Variants in SEMA6A observed in about 807,000 individuals in gnomAD.
SEMA6A encodes semaphorin 6A.
A neutral mutation model predicts 96.8 loss-of-function variants in SEMA6A; 25 were observed. That is an observed-to-expected ratio of 0.26 (90% CI 0.19 to 0.36). The LOEUF (loss-of-function observed/expected upper bound fraction) is 0.36, where lower values mean the gene tolerates loss of function less well. Among genes scored for constraint, SEMA6A ranks in the 10% least tolerant of loss-of-function variants. SEMA6A has a pLI of 1.00. For synonymous variants in SEMA6A, 612 were observed against 518.0 expected, an observed-to-expected ratio of 1.18 and a Z score of -2.46; for missense variants, 1,363 against 1,323.1, an observed-to-expected ratio of 1.03 and a Z score of -0.47.
At chr5:116,456,578 A>C (rs1397611418) in intron 18 of SEMA6A, among the ~76,000 whole-genome samples, 1 of 152,198 alleles carries the variant, frequency 6.6e-6, no homozygotes, top group Non-Finnish European at 1.5e-5. Flanking sequence ...TGCTTGCACC[A>C]AAACTGCTGA....
chr5:116,443,769 T>C lies in SEMA6A; in HGVS notation c.*2844A>G, dbSNP rs1312382598. ...AATATAAATCTGAGTTTGTTGCATCTACCAGTGTCTAGCAAGGGTGGAAAG... is the reference window on the plus strand; with the variant it reads ...AATATAAATCTGAGTTTGTTGCATCCACCAGTGTCTAGCAAGGGTGGAAAG... On this transcript the variant is annotated 3_prime_UTR_variant, in exon 19 of 19. Coordinates refer to ENST00000343348, the MANE Select transcript of SEMA6A (RefSeq NM_020796.5). 1 of 152,646 alleles carries C rather than the reference T, an allele frequency of 6.6e-6. No homozygotes were observed. The highest frequency in any genetic ancestry group is 6.5e-5 in the Admixed American group (1 of 15,286). 9.5% of individuals were successfully genotyped at this position (152,646 alleles called of 1,614,324 possible). A position where few individuals can be genotyped will look rare whatever the true frequency, so the allele number is the denominator to read the frequency against.
At chr5:116,527,292 A>C (rs1341874673) in intron 1 of SEMA6A, among the ~76,000 whole-genome samples, 2 of 152,218 alleles carry the variant, frequency 1.3e-5, no homozygotes, top group African/African-American at 4.8e-5. Flanking sequence ...GCCCTAAAAA[A>C]TGGATAGAGT....
At chr5:116,496,829 A>G (rs1280247143) in intron 4 of SEMA6A, among the ~76,000 whole-genome samples, 2 of 152,204 alleles carry the variant, frequency 1.3e-5, no homozygotes, top group Admixed American at 6.5e-5. Flanking sequence ...TTCTACTCCT[A>G]TGGCACAGGT....
intron 1 of SEMA6A, among the ~76,000 whole-genome samples, chr5:116,519,800 C>A (rs1758847965): frequency 6.6e-6 from 1 of 152,068 alleles, no homozygotes; most frequent in African/African-American, 2.4e-5. Context: ...AAAGTACATG[C>A]CAAATCTGCC....
At chr5:116,510,255 G>A (rs936076293) in intron 1 of SEMA6A, among the ~76,000 whole-genome samples, 6 of 151,916 alleles carry the variant, frequency 3.9e-5, no homozygotes, top group African/African-American at 1.2e-4. Context: ...CTTCAGTTGA[G>A]TTTTACACTA....
chr5:116,545,034 G>C (rs1477426388), intron 1 of SEMA6A, among the ~76,000 whole-genome samples: 1 of 151,892 alleles, frequency 6.6e-6, no homozygotes, highest in Non-Finnish European at 1.5e-5. Flanking sequence ...CACCAGCTTT[G>C]ACCTGAGTCA....
At chr5:116,493,884 GGCAGT>G (rs2112740450) in intron 6 of SEMA6A, among the ~76,000 whole-genome samples, 1 of 152,142 alleles carries the variant, frequency 6.6e-6, no homozygotes, top group African/African-American at 2.4e-5. Flanking sequence ...ATGTCCTATA[GGCAGT>G]GCCGTTCACA....
intron 1 of SEMA6A, among the ~76,000 whole-genome samples, chr5:116,538,919 C>G (rs1459935248): frequency 1.3e-5 from 2 of 151,872 alleles, no homozygotes; most frequent in Non-Finnish European, 2.9e-5. Context: ...TCCTTCTTTG[C>G]CTTTGCTTGT....
In SEMA6A at chr5:116,486,781, A is replaced by G; in HGVS notation, c.930T>C (p.Val310=). 6.2e-7 allele frequency: 1 copy of G among 1,613,842 alleles called. No homozygotes were observed. Among genetic ancestry groups the G allele is most frequent in the Non-Finnish European group, 8.5e-7 (1 of 1,179,788 alleles). ...AAGGTGTAGAAAACGTTGCCAGGAC[A>G]ACATCACGCCCGTTGATACGAATCA... The part of the protein sequence containing the change: ...TDVIRINGRD[V]VLATFSTPYN... Residue 310 remains valine (V), a synonymous_variant, in exon 10 of 19, where the codon GTT becomes GTC. Coordinates refer to ENST00000343348, the MANE Select transcript of SEMA6A (RefSeq NM_020796.5).
chr5:116,496,216 A>G, intron 5 of SEMA6A, 35 bp downstream of exon 5: 1 of 1,582,692 alleles, frequency 6.3e-7, no homozygotes, highest in East Asian at 2.2e-5. Context: ...ACTTAACCCA[A>G]AGTGGCAGCT....
At chr5:116,480,833 G>A (rs980751098) in intron 11 of SEMA6A, among the ~76,000 whole-genome samples, 1 of 152,032 alleles carries the variant, frequency 6.6e-6, no homozygotes, top group African/African-American at 2.4e-5. Context: ...TTTGATTTTG[G>A]CAGGTATGAA....
chr5:116,468,638 A>T (rs939227258), intron 17 of SEMA6A: 1 of 152,198 alleles, frequency 6.6e-6, no homozygotes, highest in Non-Finnish European at 1.5e-5. Context: ...TCATTCCACA[A>T]GGTTAAATAC....
chr5:116,551,189 C>G (rs80186901), intron 1 of SEMA6A, among the ~76,000 whole-genome samples: 6,454 of 152,062 alleles, frequency 0.042, 151 homozygotes, highest in African/African-American at 0.058. Flanking sequence ...AGGGGAAAAG[C>G]AGAGGAAGCG....
intron 1 of SEMA6A, among the ~76,000 whole-genome samples, chr5:116,509,766 C>T (rs1180762008): frequency 1.3e-5 from 2 of 152,056 alleles, no homozygotes; most frequent in African/African-American, 4.8e-5. Flanking sequence ...GGGTGAGGTG[C>T]TGGACCTCCA....
At chr5:116,557,826 G>A (rs539693840) in intron 1 of SEMA6A, among the ~76,000 whole-genome samples, 18 of 152,248 alleles carry the variant, frequency 1.2e-4, no homozygotes, top group African/African-American at 3.6e-4. Flanking sequence ...TCACCTTTCC[G>A]GGGATCTAAA....
At chr5:116,522,751 C>T (rs1759017766) in intron 1 of SEMA6A, among the ~76,000 whole-genome samples, 1 of 151,974 alleles carries the variant, frequency 6.6e-6, no homozygotes, top group South Asian at 2.1e-4. Flanking sequence ...TCTCTATCTG[C>T]ACGTTGATTT....
chr5:116,508,908 G>C lies in SEMA6A; in HGVS notation c.-38-3926C>G, dbSNP rs140360929. 2.3e-4 allele frequency among the ~76,000 whole-genome samples: 35 copies of C among 152,334 alleles called. No homozygotes were observed. In the East Asian group the frequency reaches 4.1e-3, roughly 18 times the overall value. The stretch of plus-strand genomic sequence containing the variant: ...AGGTACAGGACATCAACGTTGCTGC[G>C]TGAGGTATTCTGTTCCTCTTGACCA... On this transcript the variant is annotated intron_variant, in intron 1 of 18. Transcript: ENST00000343348.
chr5:116,482,180 A>C (rs144940071), intron 11 of SEMA6A, among the ~76,000 whole-genome samples: 4 of 152,186 alleles, frequency 2.6e-5, no homozygotes, highest in African/African-American at 9.6e-5. Context: ...TTTCCCAACT[A>C]TAAGCCAGTG....
At position 116,445,281 on chromosome 5, in the gene SEMA6A, A is replaced by G. The variant is rs1754112452; in HGVS notation, c.*1332T>C. On this transcript the variant is annotated 3_prime_UTR_variant, in exon 19 of 19. Coordinates refer to ENST00000343348, the MANE Select transcript of SEMA6A (RefSeq NM_020796.5). ...AACAGTTGATCATAAAGAGTTTACA[A>G]GTGTACACAACTCAAGGTGTAAGGC... is the stretch of plus-strand genomic sequence containing the variant. The G allele has an allele frequency of 6.5e-6, 1 of 152,708 alleles. No individual in the cohort carries two copies. Among genetic ancestry groups the G allele is most frequent in the South Asian group, 2.1e-4 (1 of 4,830 alleles). The allele number at this position is 152,708 out of a possible 1,614,324, so 9.5% of individuals were successfully genotyped here. A position where few individuals can be genotyped will look rare whatever the true frequency, so the allele number is the denominator to read the frequency against.
Sources: gnomAD v4.1 joint callset for allele counts (sites outside exome capture counted in the v4.1 genomes callset) on GRCh38, gnomAD v4.1.1 for gene constraint, MANE v1.5 for transcripts, NCBI Gene and HGNC (gene_info 2026-07-23, HGNC 2026-07-21) for gene names.